Variants in FNIP1 observed in about 807,000 individuals in gnomAD.
FNIP1 encodes the protein folliculin-interacting protein 1.
In FNIP1, 40 loss-of-function variants were observed where a neutral mutation model predicts 124.5. That is an observed-to-expected ratio of 0.32 (90% CI 0.25 to 0.42). The LOEUF (loss-of-function observed/expected upper bound fraction) is 0.42, where lower values mean the gene tolerates loss of function less well. Ranked by LOEUF, FNIP1 falls within the 10% of genes least tolerant of loss-of-function variation. FNIP1 has a pLI of 1.00. For missense variants in FNIP1, 1,176 were observed against 1,403.7 expected (o/e 0.84, Z 2.59); for synonymous variants, 472 against 470.6 (o/e 1.00, Z -0.04).
At chr5:131,705,967 CATT>C (rs1279373081) in intron 9 of FNIP1, among the ~76,000 whole-genome samples, 2 of 152,058 alleles carry the variant, frequency 1.3e-5, no homozygotes, top group Non-Finnish European at 2.9e-5. Flanking sequence ...ACCTTGAAAA[CATT>C]ATGCTAAATG....
In FNIP1 at chr5:131,707,972, A is replaced by G. The variant is rs1487985915; in HGVS notation, c.778+1229T>C. On this transcript the variant is annotated intron_variant, in intron 8 of 17. Transcript: ENST00000510461. Reference sequence around the variant, plus strand: ...AGATTACATCGAAGCAAAGTTTATTAAAAGAAATAAACTCTAGATTCTTTA... The same window carrying G: ...AGATTACATCGAAGCAAAGTTTATTGAAAGAAATAAACTCTAGATTCTTTA... Among the ~76,000 whole-genome samples, 3 of 152,170 alleles carry G rather than the reference A, an allele frequency of 2.0e-5. No individual in the cohort carries two copies. In the East Asian group the frequency reaches 5.8e-4, roughly 29 times the overall value.
chr5:131,719,771 G>A (rs1415696043), intron 3 of FNIP1, among the ~76,000 whole-genome samples: 1 of 152,048 alleles, frequency 6.6e-6, no homozygotes, highest in Non-Finnish European at 1.5e-5. Context: ...CACATCTTAT[G>A]CATATGCAAT....
intron 1 of FNIP1, among the ~76,000 whole-genome samples, chr5:131,782,235 A>G (rs940125520): frequency 6.6e-6 from 1 of 152,080 alleles, no homozygotes; most frequent in African/African-American, 2.4e-5. Context: ...CTTCTGATAA[A>G]TCTGGGAAAA....
intron 14 of FNIP1, 54 bp from the exon 15 acceptor site, chr5:131,670,685 C>T (rs982285831): frequency 1.5e-6 from 2 of 1,301,750 alleles, no homozygotes; most frequent in Non-Finnish European, 2.1e-6. Flanking sequence ...TATATTTAAC[C>T]AGTAAAAAAA....
chr5:131,657,429 G>A (rs1276863583), intron 15 of FNIP1, among the ~76,000 whole-genome samples: 1 of 152,044 alleles, frequency 6.6e-6, no homozygotes, highest in Admixed American at 6.5e-5. Context: ...AAGTGTTGAA[G>A]TAGTCTAATT....
intron 15 of FNIP1, among the ~76,000 whole-genome samples, chr5:131,661,219 TTTG>T (rs61397329): frequency 6.8e-6 from 1 of 147,406 alleles, no homozygotes; most frequent in African/African-American, 2.5e-5. Context: ...TTGTCTTTGT[TTTG>T]TGTGTGTGTG....
chr5:131,654,124 A>G (rs1428614557), intron 15 of FNIP1, among the ~76,000 whole-genome samples: 1 of 152,228 alleles, frequency 6.6e-6, no homozygotes, highest in East Asian at 1.9e-4. Flanking sequence ...TGACTCATAT[A>G]TACATAGTCA....
intron 2 of FNIP1, among the ~76,000 whole-genome samples, chr5:131,732,856 T>C (rs940569046): frequency 6.6e-6 from 1 of 152,238 alleles, no homozygotes; most frequent in African/African-American, 2.4e-5. Context: ...TTTTTTCCAA[T>C]TCTGTGAAGA....
chr5:131,760,483 C>A (rs1421141619), intron 1 of FNIP1, among the ~76,000 whole-genome samples: 1 of 152,096 alleles, frequency 6.6e-6, no homozygotes, highest in East Asian at 1.9e-4. Flanking sequence ...ACCAGTTAAT[C>A]TCTTCTCTTT....
At chr5:131,677,227 A>AT (rs1767937883) in intron 13 of FNIP1, among the ~76,000 whole-genome samples, 1 of 152,134 alleles carries the variant, frequency 6.6e-6, no homozygotes, top group Admixed American at 6.5e-5. Context: ...CTTATCAACC[A>AT]TCTACTCTCC....
intron 15 of FNIP1, among the ~76,000 whole-genome samples, chr5:131,666,941 A>C (rs374881365): frequency 1.3e-5 from 2 of 152,192 alleles, no homozygotes; most frequent in East Asian, 1.9e-4. Flanking sequence ...AAAGATAAGA[A>C]TGCATTAGAA....
At chr5:131,755,283 T>C (rs1485034037) in intron 1 of FNIP1, among the ~76,000 whole-genome samples, 1 of 151,880 alleles carries the variant, frequency 6.6e-6, no homozygotes, top group Non-Finnish European at 1.5e-5. Context: ...TAGCCGGGCA[T>C]GATGGTGGGC....
intron 5 of FNIP1, among the ~76,000 whole-genome samples, chr5:131,717,813 G>T (rs1164427395): frequency 6.6e-6 from 1 of 152,100 alleles, no homozygotes; most frequent in Non-Finnish European, 1.5e-5. Context: ...TACTTTAGTA[G>T]ATCTCTAATT....
intron 1 of FNIP1, among the ~76,000 whole-genome samples, chr5:131,765,804 C>T (rs906210260): frequency 3.3e-5 from 5 of 152,172 alleles, no homozygotes; most frequent in Non-Finnish European, 7.4e-5. Flanking sequence ...AAATACCCCA[C>T]TTATCAACTC....
At chr5:131,787,996 G>C (rs1295295352) in intron 1 of FNIP1, among the ~76,000 whole-genome samples, 1 of 152,132 alleles carries the variant, frequency 6.6e-6, no homozygotes, top group Non-Finnish European at 1.5e-5. Flanking sequence ...GAAAAAAGTA[G>C]TAGTATGGTG....
At chr5:131,665,026 T>A (rs1239347103) in intron 15 of FNIP1, among the ~76,000 whole-genome samples, 1 of 151,944 alleles carries the variant, frequency 6.6e-6, no homozygotes, top group Non-Finnish European at 1.5e-5. Context: ...TCATTTTATA[T>A]ATAAGGCTTC....
chr5:131,791,418 GA>G (rs1561711324), intron 1 of FNIP1, among the ~76,000 whole-genome samples: 1 of 152,152 alleles, frequency 6.6e-6, no homozygotes, highest in African/African-American at 2.4e-5. Flanking sequence ...TGATGAATAG[GA>G]AGTACACAAC....
At chr5:131,735,117 T>A (rs1401337299) in intron 2 of FNIP1, among the ~76,000 whole-genome samples, 1 of 152,146 alleles carries the variant, frequency 6.6e-6, no homozygotes, top group African/African-American at 2.4e-5. Context: ...CACCATGGAA[T>A]ACTATGCAGC....
At chr5:131,764,031 C>T (rs1449690274) in intron 1 of FNIP1, among the ~76,000 whole-genome samples, 2 of 152,006 alleles carry the variant, frequency 1.3e-5, no homozygotes, top group East Asian at 3.9e-4. Context: ...GCTGTCCTTG[C>T]GTGAGAGAGC....
Sources: gnomAD v4.1 joint callset for allele counts (sites outside exome capture counted in the v4.1 genomes callset) on GRCh38, gnomAD v4.1.1 for gene constraint, MANE v1.5 for transcripts, NCBI Gene and HGNC (gene_info 2026-07-23, HGNC 2026-07-21) for gene names.